Variants in CPEB4 observed in about 807,000 individuals in gnomAD.
The protein encoded by CPEB4 is cytoplasmic polyadenylation element binding protein 4, also known as cytoplasmic polyadenylation element-binding protein 4.
In CPEB4, 12 loss-of-function variants were observed where a neutral mutation model predicts 72.5. That is an observed-to-expected ratio of 0.17 (90% CI 0.11 to 0.27). The LOEUF (loss-of-function observed/expected upper bound fraction) is 0.27. Among genes scored for constraint, CPEB4 ranks in the 10% least tolerant of loss-of-function variants. The pLI, the probability that CPEB4 is intolerant of heterozygous loss-of-function variation, is 1.00. For synonymous variants in CPEB4, 302 were observed against 326.3 expected (o/e 0.93, Z 0.80); for missense variants, 614 against 908.5 (o/e 0.68, Z 4.17).
intron 1 of CPEB4, among the ~76,000 whole-genome samples, chr5:173,891,180 G>A (rs1007785938): frequency 2.6e-5 from 4 of 152,060 alleles, no homozygotes; most frequent in Non-Finnish European, 5.9e-5. Context: ...CTATTTAGAT[G>A]AGAATAAATA....
chr5:173,905,726 G>T (rs359424), intron 1 of CPEB4, among the ~76,000 whole-genome samples: 2 of 152,068 alleles, frequency 1.3e-5, no homozygotes, highest in African/African-American at 2.4e-5. Flanking sequence ...GGCAAAAGTG[G>T]TGGACTTTGA....
At chr5:173,894,738 C>T (rs1581105938) in intron 1 of CPEB4, among the ~76,000 whole-genome samples, 1 of 152,046 alleles carries the variant, frequency 6.6e-6, no homozygotes, top group Admixed American at 6.5e-5. Flanking sequence ...TTTTTATTCA[C>T]AGACAAGATT....
chr5:173,890,104 C>T lies in CPEB4; in HGVS notation c.371C>T (p.Ser124Leu). 7 of 1,614,102 alleles carry T rather than the reference C, an allele frequency of 4.3e-6. No homozygotes were observed. The highest frequency in any genetic ancestry group is 1.6e-4 in the Middle Eastern group (1 of 6,062). The stretch of plus-strand genomic sequence containing the variant: ...GAAGAAAATCAAGGGGACAATTCTT[C>T]GGAAAATGGCAATGGGAAGGAGAAA... ...KSEENQGDNS[S>L]ENGNGKEKIR... The change falls in exon 1 of 10, where the codon TCG (serine) becomes TTG (leucine). Residue 124 changes from serine (S) to leucine (L), a missense_variant. Ser to Leu is a moderately radical substitution (Grantham distance 145). Coordinates refer to ENST00000265085, the MANE Select transcript of CPEB4 (RefSeq NM_030627.4).
chr5:173,905,228 A>C (rs1024134238), intron 1 of CPEB4, among the ~76,000 whole-genome samples: 1 of 152,142 alleles, frequency 6.6e-6, no homozygotes, highest in South Asian at 2.1e-4. Context: ...TTAATAATCT[A>C]TCTGAAAGCA....
intron 1 of CPEB4, among the ~76,000 whole-genome samples, chr5:173,908,920 CTT>C (rs34017767): frequency 0.11 from 17,359 of 152,026 alleles, 1,871 homozygotes; most frequent in East Asian, 0.52. Context: ...TTGCAGTGGC[CTT>C]TGTGTGTTTA....
In CPEB4 at chr5:173,892,160, C is replaced by A. The variant is rs185580668; in HGVS notation, c.1125+1302C>A. On this transcript the variant is annotated intron_variant, in intron 1 of 9. Coordinates refer to ENST00000265085, the MANE Select transcript of CPEB4 (RefSeq NM_030627.4). The stretch of plus-strand genomic sequence containing the variant: ...ATTATCTGTTTTAATTAGTAATTGA[C>A]TGAGAGGGAGGGGAAGTTTGCTAAG... Among the ~76,000 whole-genome samples the A allele has an allele frequency of 4.6e-5, 7 of 152,066 alleles. No individual in the cohort carries two copies. In the East Asian group the frequency reaches 5.8e-4, roughly 13 times the overall value.
intron 5 of CPEB4, among the ~76,000 whole-genome samples, chr5:173,947,451 A>G (rs1362670178): frequency 6.6e-6 from 1 of 152,152 alleles, no homozygotes; most frequent in Non-Finnish European, 1.5e-5. Context: ...TATCCAAGAA[A>G]TAAGGGCGAG....
At chr5:173,928,397 G>A (rs1315629087) in intron 2 of CPEB4, among the ~76,000 whole-genome samples, 1 of 152,104 alleles carries the variant, frequency 6.6e-6, no homozygotes. Flanking sequence ...ATGCATATGT[G>A]GGGGCAGGGG....
chr5:173,951,787 A>G (rs1265872480), intron 7 of CPEB4, 37 bp from the exon 8 acceptor site: 2 of 1,247,286 alleles, frequency 1.6e-6, no homozygotes, highest in East Asian at 2.3e-5. Flanking sequence ...AATTGTCTGT[A>G]TTGAGAATGA....
chr5:173,904,389 G>T (rs1269994274), intron 1 of CPEB4, among the ~76,000 whole-genome samples: 1 of 152,136 alleles, frequency 6.6e-6, no homozygotes, highest in Non-Finnish European at 1.5e-5. Context: ...ACCCAGAGAT[G>T]CATTTATGAT....
chr5:173,929,983 A>C (rs747948998), intron 2 of CPEB4, among the ~76,000 whole-genome samples: 60 of 152,020 alleles, frequency 3.9e-4, no homozygotes, highest in Non-Finnish European at 8.1e-4. Flanking sequence ...ATCTCTATAT[A>C]TGTTCCATTA....
chr5:173,918,028 G>T lies in CPEB4; in HGVS notation c.1207+7424G>T, dbSNP rs547242538. Among the ~76,000 whole-genome samples the T allele has an allele frequency of 1.2e-4, 18 of 152,302 alleles. No individual in the cohort carries two copies. The South Asian group carries it at 3.7e-3, about 32-fold the overall frequency. On this transcript the variant is annotated intron_variant, in intron 2 of 9. Transcript: ENST00000265085. ...TAAGTCTCCTAAGAATTAGAAAGTT[G>T]CCTTAATTCTCAAAGCCTCATAAGT...
In CPEB4 at chr5:173,890,758, A is replaced by T; in HGVS notation, c.1025A>T (p.His342Leu). The T allele has an allele frequency of 6.2e-7, 1 of 1,614,172 alleles. No homozygotes were observed. The highest frequency in any genetic ancestry group is 8.5e-7 in the Non-Finnish European group (1 of 1,180,042). ...SPLKKNFASNHIQLQKYARPS... is the reference protein window; with the variant it reads ...SPLKKNFASNLIQLQKYARPS... ...TTGAAGAAAAATTTTGCAAGCAATCATATTCAGCTCCAGAAGTATGCTCGC... is the reference window on the plus strand; with the variant it reads ...TTGAAGAAAAATTTTGCAAGCAATCTTATTCAGCTCCAGAAGTATGCTCGC... The change falls in exon 1 of 10, where the codon CAT becomes CTT. Residue 342 changes from histidine to leucine, a missense_variant. Physicochemically the swap from His to Leu is moderately conservative, Grantham distance 99. This residue lies in a region of CPEB4 where 458 missense variants were observed against 548.6 expected (regional missense o/e 0.83). Transcript: ENST00000265085.
intron 3 of CPEB4, among the ~76,000 whole-genome samples, chr5:173,933,278 A>G (rs1439443486): frequency 6.6e-6 from 1 of 152,244 alleles, no homozygotes; most frequent in Non-Finnish European, 1.5e-5. Context: ...TTATGGACTA[A>G]ATAGCTATAT....
intron 2 of CPEB4, among the ~76,000 whole-genome samples, chr5:173,927,538 G>A (rs1363434069): frequency 6.6e-6 from 1 of 152,248 alleles, no homozygotes; most frequent in Non-Finnish European, 1.5e-5. Flanking sequence ...AGCACTTCGG[G>A]AGGCCGAGGC....
rs1756248112 is a variant in CPEB4, at chr5:173,901,885, T to C, written c.1126-8638T>C. ...TGGATATGAAAATGAGTGAAGCTCATGGCGCATGGTGATAGTATAAGCTCT... is the reference window on the plus strand; with the variant it reads ...TGGATATGAAAATGAGTGAAGCTCACGGCGCATGGTGATAGTATAAGCTCT... On this transcript the variant is annotated intron_variant, in intron 1 of 9. Coordinates refer to ENST00000265085, the MANE Select transcript of CPEB4 (RefSeq NM_030627.4). Among the ~76,000 whole-genome samples, 3 of 152,198 alleles carry C rather than the reference T, an allele frequency of 2.0e-5. No homozygotes were observed. The South Asian group carries it at 6.2e-4, about 32-fold the overall frequency.
At position 173,956,228 on chromosome 5, in the gene CPEB4, G is replaced by A. The variant is rs1758373179; in HGVS notation, c.*91G>A. The A allele has an allele frequency of 4.2e-6, 4 of 962,534 alleles. No homozygotes were observed. The highest frequency in any genetic ancestry group is 6.5e-6 in the Non-Finnish European group (4 of 611,482). The allele number at this position is 962,534 out of a possible 1,614,324, so 59.6% of individuals were successfully genotyped here. A position where few individuals can be genotyped will look rare whatever the true frequency, so the allele number is the denominator to read the frequency against. On this transcript the variant is annotated 3_prime_UTR_variant, in exon 10 of 10. Coordinates refer to ENST00000265085, the MANE Select transcript of CPEB4 (RefSeq NM_030627.4). Reference sequence around the variant, plus strand: ...TTCCTCAACCTCTTCACGCTGGCATGTCCTTTTGTAGCAGTCTGTAACTTA... The same window carrying A: ...TTCCTCAACCTCTTCACGCTGGCATATCCTTTTGTAGCAGTCTGTAACTTA...
intron 2 of CPEB4, among the ~76,000 whole-genome samples, chr5:173,914,553 C>G (rs958746284): frequency 6.6e-6 from 1 of 152,072 alleles, no homozygotes; most frequent in East Asian, 1.9e-4. Context: ...GTCAGGAGTT[C>G]GAGACCAGCC....
chr5:173,956,166 C>A lies in CPEB4; in HGVS notation c.*29C>A. 3.2e-6 allele frequency: 5 copies of A among 1,578,206 alleles called. No homozygotes were observed. Among genetic ancestry groups the A allele is most frequent in the Non-Finnish European group, 4.4e-6 (5 of 1,148,096 alleles). On this transcript the variant is annotated 3_prime_UTR_variant, in exon 10 of 10. Transcript: ENST00000265085. Reference sequence around the variant, plus strand: ...ATAACTGCAGTGCTCATTTTCAGGCCTCAGAATAAGTGCACTCTTCTGTTC... The same window carrying A: ...ATAACTGCAGTGCTCATTTTCAGGCATCAGAATAAGTGCACTCTTCTGTTC...
Sources: gnomAD v4.1 joint callset for allele counts (sites outside exome capture counted in the v4.1 genomes callset) on GRCh38, gnomAD v4.1.1 for gene constraint, gnomAD v4.1.1 regional missense constraint, MANE v1.5 for transcripts, NCBI Gene and HGNC (gene_info 2026-07-23, HGNC 2026-07-21) for gene names.